The following COG5 variants were observed in gnomAD, a reference collection of about 807,000 sequenced individuals.
COG5 encodes the protein conserved oligomeric Golgi complex subunit 5.
COG5 carries 86 observed loss-of-function variants against 110.4 expected under a neutral mutation model. The ratio of observed to expected loss-of-function variants is 0.78; its 90% confidence interval spans 0.65 to 0.93. The LOEUF (loss-of-function observed/expected upper bound fraction) is 0.93, where lower values mean the gene tolerates loss of function less well. Ranked by LOEUF, COG5 falls within the 40% of genes least tolerant of loss-of-function variation. The pLI, the probability that COG5 is intolerant of heterozygous loss-of-function variation, is 0.00. For synonymous variants in COG5, 360 were observed against 334.6 expected, an observed-to-expected ratio of 1.08 and a Z score of -0.83; for missense variants, 1,077 against 987.0, an observed-to-expected ratio of 1.09 and a Z score of -1.22.
chr7:107,500,710 A>G (rs572233293), intron 6 of COG5, among the ~76,000 whole-genome samples: 1 of 152,300 alleles, frequency 6.6e-6, no homozygotes, highest in Non-Finnish European at 1.5e-5. Flanking sequence ...ATCAGTATGT[A>G]TCTTCCTTTG....
intron 5 of COG5, among the ~76,000 whole-genome samples, chr7:107,531,305 T>C (rs143335843): frequency 1.3e-5 from 2 of 152,292 alleles, no homozygotes; most frequent in East Asian, 1.9e-4. Context: ...TTTAGTATTT[T>C]TGGCAAGATT....
At chr7:107,334,781 A>T (rs1246350063) in intron 10 of COG5, among the ~76,000 whole-genome samples, 4 of 152,086 alleles carry the variant, frequency 2.6e-5, no homozygotes, top group African/African-American at 9.7e-5. Context: ...AAATTCTGAA[A>T]GAAAAAAAAA....
chr7:107,289,300 A>G (rs938914437), intron 12 of COG5, among the ~76,000 whole-genome samples: 2 of 152,146 alleles, frequency 1.3e-5, no homozygotes, highest in Non-Finnish European at 2.9e-5. Context: ...TGGTCTTTAC[A>G]CTTTTTGAAG....
intron 10 of COG5, among the ~76,000 whole-genome samples, chr7:107,355,332 A>G (rs1374438058): frequency 6.6e-6 from 1 of 152,250 alleles, no homozygotes; most frequent in East Asian, 1.9e-4. Context: ...AAAATGATAC[A>G]GCAACTTTCA....
intron 5 of COG5, among the ~76,000 whole-genome samples, chr7:107,531,640 CG>C (rs371821762): frequency 9.8e-6 from 1 of 101,524 alleles, no homozygotes; most frequent in Non-Finnish European, 2.0e-5. Flanking sequence ...TCGGTGAGGG[CG>C]GGGGGGAGGT....
chr7:107,344,217 C>T (rs1366406465), intron 10 of COG5, among the ~76,000 whole-genome samples: 1 of 152,176 alleles, frequency 6.6e-6, no homozygotes, highest in Non-Finnish European at 1.5e-5. Flanking sequence ...AGTGTAGCTA[C>T]CTTCATTGAT....
intron 17 of COG5, among the ~76,000 whole-genome samples, chr7:107,243,089 A>G (rs996704765): frequency 6.6e-6 from 1 of 152,238 alleles, no homozygotes; most frequent in African/African-American, 2.4e-5. Flanking sequence ...ACCAGCAAAC[A>G]TCAAAAAAGA....
At chr7:107,501,897 T>C (rs934342122) in intron 6 of COG5, among the ~76,000 whole-genome samples, 5 of 152,092 alleles carry the variant, frequency 3.3e-5, no homozygotes, top group Admixed American at 1.3e-4. Context: ...TATACACATA[T>C]ACATTACATT....
intron 10 of COG5, among the ~76,000 whole-genome samples, chr7:107,342,976 A>C (rs1348981606): frequency 1.3e-5 from 2 of 152,230 alleles, no homozygotes; most frequent in Non-Finnish European, 1.5e-5. Context: ...CTAGGTGCCC[A>C]TCAATAGTAG....
intron 14 of COG5, among the ~76,000 whole-genome samples, chr7:107,260,142 A>G (rs1803218856): frequency 6.7e-6 from 1 of 150,018 alleles, no homozygotes; most frequent in Admixed American, 6.8e-5. Flanking sequence ...TATTCATAGC[A>G]GCATTTATTC....
intron 19 of COG5, among the ~76,000 whole-genome samples, chr7:107,226,209 T>C (rs1164025961): frequency 6.6e-6 from 1 of 152,206 alleles, no homozygotes; most frequent in Non-Finnish European, 1.5e-5. Flanking sequence ...GAATTTAGCA[T>C]ATTTTATTCA....
chr7:107,443,732 T>C (rs1794854310), intron 6 of COG5, among the ~76,000 whole-genome samples: 1 of 152,190 alleles, frequency 6.6e-6, no homozygotes, highest in East Asian at 1.9e-4. Flanking sequence ...ATCAACATAG[T>C]TTAGAATTTT....
At chr7:107,255,438 T>C (rs1802813875) in intron 16 of COG5, among the ~76,000 whole-genome samples, 1 of 152,110 alleles carries the variant, frequency 6.6e-6, no homozygotes, top group South Asian at 2.1e-4. Flanking sequence ...TACATTTTGG[T>C]GCCTGTTAAA....
rs543005027 is a variant in COG5 at position 107,397,562 on chromosome 7, AT to A, written c.669+14939del. Among the ~76,000 whole-genome samples the A allele has an allele frequency of 3.0e-3, 457 of 152,158 alleles. 1 individual carries two copies. Among genetic ancestry groups the A allele is most frequent in the Non-Finnish European group, 5.4e-3 (364 of 68,036 alleles). ...TTTTTAACAGATGAAAAACAAAAGAATAAAATCACATCTCATCTGCTACCTT... is the reference window on the plus strand; with the variant it reads ...TTTTTAACAGATGAAAAACAAAAGAAAAAATCACATCTCATCTGCTACCTT... On this transcript the variant is annotated intron_variant, in intron 7 of 21. Transcript: ENST00000297135.
intron 3 of COG5, among the ~76,000 whole-genome samples, chr7:107,549,414 CAG>C (rs146916557): frequency 0.015 from 2,289 of 152,170 alleles, 62 homozygotes; most frequent in African/African-American, 0.05. Context: ...TTTTTTGAGA[CAG>C]AGTCTCGCTC....
chr7:107,215,880 T>G (rs1291718304), intron 19 of COG5, among the ~76,000 whole-genome samples: 2 of 151,820 alleles, frequency 1.3e-5, no homozygotes, highest in African/African-American at 2.4e-5. Context: ...TGGCTAATTT[T>G]TTATATTTTT....
chr7:107,551,074 G>A (rs769574585), intron 3 of COG5, among the ~76,000 whole-genome samples: 20 of 149,710 alleles, frequency 1.3e-4, no homozygotes, highest in Non-Finnish European at 2.4e-4. Context: ...ATGGAGTCTC[G>A]CTCTGTCGCC....
At chr7:107,209,167 C>T (rs1357746846) in intron 21 of COG5, 10 of 985,376 alleles carry the variant, frequency 1.0e-5, no homozygotes, top group Non-Finnish European at 1.1e-5. Flanking sequence ...TCACTGGGTG[C>T]AGTGGGCCCA....
intron 17 of COG5, among the ~76,000 whole-genome samples, chr7:107,245,266 G>A (rs528423931): frequency 1.3e-5 from 2 of 152,202 alleles, no homozygotes; most frequent in East Asian, 3.9e-4. Context: ...TACACTGAAT[G>A]GGCCAAAGCT....
Sources: gnomAD v4.1 joint callset for allele counts (sites outside exome capture counted in the v4.1 genomes callset) on GRCh38, gnomAD v4.1.1 for gene constraint, MANE v1.5 for transcripts, NCBI Gene and HGNC (gene_info 2026-07-23, HGNC 2026-07-21) for gene names.